LRRC31: variants seen among roughly 807,000 people sequenced by gnomAD.
LRRC31 encodes leucine rich repeat containing 31, also known as leucine-rich repeat-containing protein 31.
Under a neutral mutation model 46.7 loss-of-function variants are expected in LRRC31, and 35 were observed. That is an observed-to-expected ratio of 0.75 (90% CI 0.57 to 0.99). The LOEUF (loss-of-function observed/expected upper bound fraction) is 0.99. LRRC31 is among the 50% of genes least tolerant of loss of function. LRRC31 has a pLI of 0.00. For missense variants in LRRC31, 613 were observed against 626.1 expected, an observed-to-expected ratio of 0.98 and a Z score of 0.22; for synonymous variants, 236 against 235.1, an observed-to-expected ratio of 1.00 and a Z score of -0.03.
rs1781125358 is a variant in LRRC31 at position 169,860,657 on chromosome 3, G to C, written c.391C>G (p.Leu131Val). The change falls in exon 3 of 9, where the codon CTC (leucine) becomes GTC (valine). Residue 131 changes from leucine to valine, a missense_variant. Leu to Val is a conservative substitution (Grantham distance 32). Coordinates refer to ENST00000316428, the MANE Select transcript of LRRC31 (RefSeq NM_024727.4). ...TGCATTTGCTGAGTGATGGAAAGGA[G>C]GGTTCCACCTACAAAACCATTCCAG... The part of the protein sequence containing the change: ...ISWNGFVGGT[L>V]LSITQQMHLV... 1 of 1,614,134 alleles carries C rather than the reference G, an allele frequency of 6.2e-7. No homozygotes were observed. Among genetic ancestry groups the C allele is most frequent in the Non-Finnish European group, 8.5e-7 (1 of 1,179,978 alleles).
At position 169,855,065 on chromosome 3, in the gene LRRC31, A is replaced by G. The variant is rs1183654284; in HGVS notation, c.824-85T>C. The G allele has an allele frequency of 1.1e-5, 13 of 1,204,170 alleles. No individual in the cohort carries two copies. In the East Asian group the frequency reaches 2.8e-4, roughly 26 times the overall value. 74.6% of individuals were successfully genotyped at this position (1,204,170 alleles called of 1,614,324 possible). A position where few individuals can be genotyped will look rare whatever the true frequency, so the allele number is the denominator to read the frequency against. On this transcript the variant is annotated intron_variant, in intron 5 of 8. Coordinates refer to ENST00000316428, the MANE Select transcript of LRRC31 (RefSeq NM_024727.4). ...CAGCTGCTAGGGAGACCAAGGCAGG[A>G]GGATTGCTTGAGCCCCGGAGTTCGA...
At chr3:169,869,510 A>G in intron 1 of LRRC31, 123 bp downstream of exon 1, 1 of 748,100 alleles carries the variant, frequency 1.3e-6, no homozygotes. Flanking sequence ...GAAACATCTC[A>G]TATACCCCAT....
At chr3:169,841,458 T>C (rs900009301) in intron 8 of LRRC31, among the ~76,000 whole-genome samples, 11 of 152,218 alleles carry the variant, frequency 7.2e-5, no homozygotes, top group African/African-American at 2.7e-4. Flanking sequence ...ATTTGAGAGC[T>C]CAGCCACCCG....
chr3:169,869,235 G>A (rs1161028600), intron 1 of LRRC31, among the ~76,000 whole-genome samples: 1 of 151,842 alleles, frequency 6.6e-6, no homozygotes, highest in Non-Finnish European at 1.5e-5. Flanking sequence ...GCTGGGCATG[G>A]TGGTGCGCAT....
chr3:169,854,749 C>T, intron 6 of LRRC31, 64 bp downstream of exon 6: 1 of 1,317,234 alleles, frequency 7.6e-7, no homozygotes. Flanking sequence ...ATTAAAATTT[C>T]CAAGTTTCCA....
intron 3 of LRRC31, among the ~76,000 whole-genome samples, chr3:169,857,341 T>TAC (rs1227486934): frequency 1.8e-5 from 2 of 110,114 alleles, no homozygotes; most frequent in African/African-American, 3.3e-5. Flanking sequence ...TATATATATA[T>TAC]ATATACACAC....
chr3:169,848,363 G>A (rs1277335304), intron 7 of LRRC31, 76 bp from the exon 8 acceptor site: 2 of 1,369,428 alleles, frequency 1.5e-6, no homozygotes, highest in Non-Finnish European at 2.0e-6. Context: ...TGAGGAAACT[G>A]GTCTAGGACA....
chr3:169,853,235 A>T, intron 6 of LRRC31: 1 of 985,294 alleles, frequency 1.0e-6, no homozygotes, highest in Non-Finnish European at 1.2e-6. Flanking sequence ...TGCTTAAAGG[A>T]TCTATAATTC....
Position 169,852,663 on chromosome 3 carries a change from C to T in LRRC31, c.992-877G>A, listed in dbSNP as rs541136856. The stretch of plus-strand genomic sequence containing the variant: ...GGCCCAGCTAGGAATTACCCTCGTT[C>T]GCTATCTTTTGGCTACTTCTCTGGC... On this transcript the variant is annotated intron_variant, in intron 6 of 8. Transcript: ENST00000316428. Among the ~76,000 whole-genome samples the T allele has an allele frequency of 3.9e-5, 6 of 152,286 alleles. No individual in the cohort carries two copies. In the East Asian group the frequency reaches 9.7e-4, roughly 25 times the overall value.
rs543692897 is a variant in LRRC31, at chr3:169,860,019, C to T, written c.487+542G>A. ...ATTAACCAGGTGTGATGGTTCACAC[C>T]TGTAATCCCAGCTACTTGGAAGGCT... On this transcript the variant is annotated intron_variant, in intron 3 of 8. Transcript: ENST00000316428. 2.6e-5 allele frequency among the ~76,000 whole-genome samples: 4 copies of T among 151,766 alleles called. No individual in the cohort carries two copies. The South Asian group carries it at 8.4e-4, about 32-fold the overall frequency.
intron 7 of LRRC31, among the ~76,000 whole-genome samples, chr3:169,850,837 G>A (rs1042310433): frequency 6.6e-6 from 1 of 152,148 alleles, no homozygotes; most frequent in Non-Finnish European, 1.5e-5. Flanking sequence ...GCAAGTAAGA[G>A]GAGATATTTT....
At chr3:169,864,878 A>G (rs547778333) in intron 1 of LRRC31, among the ~76,000 whole-genome samples, 4 of 152,262 alleles carry the variant, frequency 2.6e-5, no homozygotes, top group African/African-American at 9.6e-5. Flanking sequence ...GGAGTTCAAA[A>G]CCAGGCTGGC....
At chr3:169,842,804 C>G (rs550311890) in intron 8 of LRRC31, among the ~76,000 whole-genome samples, 30 of 151,360 alleles carry the variant, frequency 2.0e-4, no homozygotes, top group African/African-American at 7.3e-4. Context: ...TTGATGCAGA[C>G]AAAAATAAAA....
intron 1 of LRRC31, among the ~76,000 whole-genome samples, chr3:169,863,214 C>T (rs541729723): frequency 4.6e-4 from 70 of 152,234 alleles, no homozygotes; most frequent in Non-Finnish European, 8.8e-4. Context: ...ACATAAAACA[C>T]ATCATACTTT....
At chr3:169,852,287 C>G (rs1780805000) in intron 6 of LRRC31, among the ~76,000 whole-genome samples, 1 of 150,450 alleles carries the variant, frequency 6.6e-6, no homozygotes, top group Admixed American at 6.6e-5. Context: ...CCTGTAGTTC[C>G]AGCTACTCGG....
At chr3:169,852,402 CAAAA>C (rs11344242) in intron 6 of LRRC31, among the ~76,000 whole-genome samples, 4 of 88,482 alleles carry the variant, frequency 4.5e-5, no homozygotes, top group African/African-American at 9.2e-5. Context: ...GACTCCGTCT[CAAAA>C]AAAAAAAAAA....
chr3:169,844,950 AAAAC>A (rs1188180496), intron 8 of LRRC31, among the ~76,000 whole-genome samples: 5 of 137,554 alleles, frequency 3.6e-5, no homozygotes, highest in African/African-American at 1.4e-4. Context: ...AAAAAAAAAC[AAAAC>A]AAAACCTGTC....
intron 6 of LRRC31, among the ~76,000 whole-genome samples, chr3:169,852,825 T>C (rs1389345021): frequency 6.6e-6 from 1 of 152,230 alleles, no homozygotes; most frequent in Non-Finnish European, 1.5e-5. Flanking sequence ...ATATTTTATT[T>C]TCACAGCACC....
chr3:169,861,954 T>C, intron 1 of LRRC31, 141 bp from the exon 2 acceptor site: 1 of 858,020 alleles, frequency 1.2e-6, no homozygotes, highest in East Asian at 2.6e-5. Flanking sequence ...GGCAGAGCCA[T>C]TTACTAGGGA....
Sources: allele counts gnomAD v4.1 joint callset (sites outside exome capture counted in the v4.1 genomes callset), GRCh38; gene constraint gnomAD v4.1.1; transcripts MANE v1.5; gene names NCBI Gene and HGNC (gene_info 2026-07-23, HGNC 2026-07-21).